Variants in DCC observed in about 807,000 individuals in gnomAD.
The protein encoded by DCC is netrin receptor DCC.
DCC carries 58 observed loss-of-function variants against 172.5 expected under a neutral mutation model. The observed-to-expected ratio is 0.34, with a 90% CI of 0.27 to 0.42. The LOEUF (loss-of-function observed/expected upper bound fraction) is 0.42. Ranked by LOEUF, DCC falls within the 10% of genes least tolerant of loss-of-function variation. The pLI, the probability that DCC is intolerant of heterozygous loss-of-function variation, is 1.00. For synonymous variants in DCC, 709 were observed against 644.5 expected, an observed-to-expected ratio of 1.10 and a Z score of -1.52; for missense variants, 1,740 against 1,791.0, an observed-to-expected ratio of 0.97 and a Z score of 0.51.
In DCC at chr18:53,124,919, A is replaced by G. The variant is rs559997133; in HGVS notation, c.1262-32437A>G. On this transcript the variant is annotated intron_variant, in intron 7 of 28. Coordinates refer to ENST00000442544, the MANE Select transcript of DCC (RefSeq NM_005215.4). The stretch of plus-strand genomic sequence containing the variant: ...CAGGAGGTGGAGGTTGCAGTGAGCT[A>G]AGATCTTGCCACTGCACTCTAGCCT... Among the ~76,000 whole-genome samples, 16 of 151,966 alleles carry G rather than the reference A, an allele frequency of 1.1e-4. No individual in the cohort carries two copies. The South Asian group carries it at 3.3e-3, about 32-fold the overall frequency.
intron 5 of DCC, among the ~76,000 whole-genome samples, chr18:52,982,239 A>T (rs1374245377): frequency 4.6e-5 from 7 of 152,096 alleles, no homozygotes; most frequent in Non-Finnish European, 7.4e-5. Context: ...GGTATTGCTT[A>T]TTTTTGTTGT....
intron 27 of DCC, among the ~76,000 whole-genome samples, chr18:53,516,665 C>G (rs142526294): frequency 0.08 from 12,034 of 149,536 alleles, 1,748 homozygotes; most frequent in African/African-American, 0.27. Flanking sequence ...CTCAAAAGAA[C>G]ACATTTATGC....
At chr18:53,504,240 G>C (rs906344980) in intron 27 of DCC, among the ~76,000 whole-genome samples, 2 of 152,132 alleles carry the variant, frequency 1.3e-5, no homozygotes, top group Non-Finnish European at 2.9e-5. Flanking sequence ...TGAGCCACTC[G>C]TAGGCTGCCA....
intron 1 of DCC, among the ~76,000 whole-genome samples, chr18:52,599,987 A>G (rs1159958534): frequency 6.6e-6 from 1 of 152,152 alleles, no homozygotes; most frequent in African/African-American, 2.4e-5. Context: ...CCTAAAGGCC[A>G]GTATTTATGT....
chr18:52,802,464 C>A (rs2145229522), intron 2 of DCC, among the ~76,000 whole-genome samples: 1 of 113,722 alleles, frequency 8.8e-6, no homozygotes, highest in East Asian at 3.1e-4. Context: ...CCATATATAA[C>A]TTTTTACTCC....
At chr18:52,728,122 T>G (rs2145088927) in intron 1 of DCC, among the ~76,000 whole-genome samples, 1 of 152,212 alleles carries the variant, frequency 6.6e-6, no homozygotes, top group Non-Finnish European at 1.5e-5. Context: ...AATATAAATT[T>G]TGTATTGATG....
intron 24 of DCC, among the ~76,000 whole-genome samples, chr18:53,465,705 C>T (rs1304348946): frequency 1.3e-5 from 2 of 152,044 alleles, no homozygotes; most frequent in Non-Finnish European, 2.9e-5. Context: ...TTTATTGACT[C>T]TTTGGACACT....
At chr18:52,570,900 G>T (rs908420533) in intron 1 of DCC, among the ~76,000 whole-genome samples, 3 of 152,054 alleles carry the variant, frequency 2.0e-5, no homozygotes, top group Non-Finnish European at 4.4e-5. Context: ...TTTGGTCAGA[G>T]AATAAGACTA....
intron 12 of DCC, among the ~76,000 whole-genome samples, chr18:53,302,667 T>C (rs924842245): frequency 6.6e-6 from 1 of 152,224 alleles, no homozygotes; most frequent in Non-Finnish European, 1.5e-5. Context: ...ATCCCTATAC[T>C]GTCCTTAGCA....
intron 12 of DCC, among the ~76,000 whole-genome samples, chr18:53,222,138 A>C (rs909478813): frequency 5.8e-4 from 89 of 152,332 alleles, no homozygotes; most frequent in African/African-American, 2.0e-3. Context: ...CAATGAATAA[A>C]GATCAACCAT....
At chr18:53,411,409 G>A (rs908454654) in intron 20 of DCC, among the ~76,000 whole-genome samples, 95 of 152,152 alleles carry the variant, frequency 6.2e-4, no homozygotes, top group African/African-American at 2.2e-3. Context: ...GTATATTTAA[G>A]GCATGATATG....
At chr18:53,028,333 A>G (rs746913970) in intron 5 of DCC, among the ~76,000 whole-genome samples, 9 of 152,130 alleles carry the variant, frequency 5.9e-5, no homozygotes, top group Non-Finnish European at 1.2e-4. Context: ...TAAAAATTGT[A>G]TTTAATAATC....
At chr18:53,123,857 TTTC>T (rs2043518081) in intron 7 of DCC, among the ~76,000 whole-genome samples, 1 of 152,110 alleles carries the variant, frequency 6.6e-6, no homozygotes, top group African/African-American at 2.4e-5. Flanking sequence ...CTTCCAGTTC[TTTC>T]TTCTTGGCTG....
At chr18:53,420,376 G>A (rs148062354) in intron 21 of DCC, among the ~76,000 whole-genome samples, 209 of 152,318 alleles carry the variant, frequency 1.4e-3, no homozygotes, top group African/African-American at 4.7e-3. Flanking sequence ...GGTGGCAACA[G>A]CGCTGATTAC....
At chr18:52,744,808 G>A (rs953473070) in intron 1 of DCC, among the ~76,000 whole-genome samples, 14 of 152,164 alleles carry the variant, frequency 9.2e-5, no homozygotes, top group African/African-American at 3.1e-4. Context: ...AGACTAAGGG[G>A]CAGATCAGCC....
chr18:52,344,109 T>A (rs966332695), intron 1 of DCC, among the ~76,000 whole-genome samples: 2 of 152,254 alleles, frequency 1.3e-5, no homozygotes, highest in African/African-American at 2.4e-5. Context: ...TAGGCATTTT[T>A]TTCTGGGGAG....
intron 1 of DCC, among the ~76,000 whole-genome samples, chr18:52,566,058 C>A (rs1422538410): frequency 1.3e-5 from 2 of 152,110 alleles, no homozygotes; most frequent in Non-Finnish European, 2.9e-5. Context: ...CTGCATATGG[C>A]TAGCCAGTTT....
chr18:53,361,557 T>C (rs571665861), intron 15 of DCC, among the ~76,000 whole-genome samples: 1 of 152,176 alleles, frequency 6.6e-6, no homozygotes, highest in Non-Finnish European at 1.5e-5. Context: ...TGGTTTTACC[T>C]TTTTAGTCAA....
intron 12 of DCC, among the ~76,000 whole-genome samples, chr18:53,231,452 G>A (rs897370762): frequency 6.6e-6 from 1 of 151,996 alleles, no homozygotes; most frequent in African/African-American, 2.4e-5. Flanking sequence ...AGATAATAAA[G>A]CAAGTGTCTG....
Sources: allele counts gnomAD v4.1 joint callset (sites outside exome capture counted in the v4.1 genomes callset), GRCh38; gene constraint gnomAD v4.1.1; transcripts MANE v1.5; gene names NCBI Gene and HGNC (gene_info 2026-07-23, HGNC 2026-07-21).